Variants in CHD2 observed in about 807,000 individuals in gnomAD.
CHD2 encodes chromodomain helicase DNA binding protein 2.
Under a neutral mutation model 243.9 loss-of-function variants are expected in CHD2, and 28 were observed. The observed-to-expected ratio is 0.11, with a 90% confidence interval of 0.09 to 0.16. The LOEUF is 0.16. CHD2 is among the 10% of genes least tolerant of loss of function. The pLI, the probability that CHD2 is intolerant of heterozygous loss-of-function variation, is 1.00. For synonymous variants in CHD2, 775 were observed against 779.0 expected, an observed-to-expected ratio of 0.99 and a Z score of 0.09; for missense variants, 1,386 against 2,209.8, an observed-to-expected ratio of 0.63 and a Z score of 7.47.
chr15:92,941,772 TAATTCTGAAGAGATC>T, intron 7 of CHD2, 35 bp from the exon 8 acceptor site: 2 of 1,583,510 alleles, frequency 1.3e-6, no homozygotes, highest in Non-Finnish European at 1.7e-6. Flanking sequence ...TGTGGCAGTT[TAATTCTGAAGAGATC>T]ATTTCTCATT....
chr15:92,974,625 A>G (rs1024783765), intron 19 of CHD2: 18 of 373,088 alleles, frequency 4.8e-5, no homozygotes, highest in Admixed American at 8.7e-5. Flanking sequence ...CCTGGCAGCC[A>G]TTCTGATCCT....
intron 27 of CHD2, 36 bp downstream of exon 27, chr15:92,991,553 T>C: frequency 6.5e-7 from 1 of 1,531,904 alleles, no homozygotes; most frequent in Non-Finnish European, 8.9e-7. Context: ...TCTTCCTCTT[T>C]TTTGCTTTTA....
chr15:92,969,838 G>T (rs1342440549), intron 17 of CHD2, among the ~76,000 whole-genome samples: 1 of 145,730 alleles, frequency 6.9e-6, no homozygotes, highest in Non-Finnish European at 1.5e-5. Flanking sequence ...TTGAGACGGA[G>T]TCTCACTCTG....
chr15:92,913,234 T>C (rs911503043), intron 2 of CHD2, among the ~76,000 whole-genome samples: 1 of 152,188 alleles, frequency 6.6e-6, no homozygotes, highest in Non-Finnish European at 1.5e-5. Flanking sequence ...TTTCGATCTT[T>C]TCTGTTCTGT....
intron 16 of CHD2, among the ~76,000 whole-genome samples, chr15:92,964,484 A>G (rs1409177477): frequency 6.6e-6 from 1 of 152,232 alleles, no homozygotes; most frequent in Non-Finnish European, 1.5e-5. Flanking sequence ...ACTGAAGAAA[A>G]ACTATTGTAA....
intron 34 of CHD2, among the ~76,000 whole-genome samples, chr15:93,008,268 T>C (rs2054347371): frequency 6.6e-6 from 1 of 152,174 alleles, no homozygotes; most frequent in African/African-American, 2.4e-5. Flanking sequence ...CTGTTTTCAG[T>C]GTGGTGGGCT....
At chr15:93,019,267 T>G (rs2054500703) in intron 37 of CHD2, among the ~76,000 whole-genome samples, 1 of 152,178 alleles carries the variant, frequency 6.6e-6, no homozygotes, top group South Asian at 2.1e-4. Context: ...ACGTTAGATG[T>G]GTAACCGGAG....
intron 24 of CHD2, 80 bp downstream of exon 24, chr15:92,981,537 C>A: frequency 9.3e-7 from 1 of 1,078,878 alleles, no homozygotes; most frequent in Non-Finnish European, 1.4e-6. Context: ...TTTCTTTGTG[C>A]TAGGCGCTCT....
At chr15:92,953,258 C>T in intron 13 of CHD2, 99 bp from the exon 14 acceptor site, 1 of 874,818 alleles carries the variant, frequency 1.1e-6, no homozygotes, top group Non-Finnish European at 1.8e-6. Context: ...CCTTGCTTGG[C>T]TGTTATTGTG....
rs2053473557 is a variant in CHD2, at chr15:92,946,655, T to G, written c.1377+439T>G. On this transcript the variant is annotated intron_variant, in intron 12 of 38. Coordinates refer to ENST00000394196, the MANE Select transcript of CHD2 (RefSeq NM_001271.4). ...GCACGCACCACCACTTCCAGCTAAT[T>G]TTTTGTATTTTTAGCAGAGATGGGG... 2.0e-5 allele frequency: 3 copies of G among 152,528 alleles called. No homozygotes were observed. The South Asian group carries it at 6.2e-4, about 31-fold the overall frequency. The allele number at this position is 152,528 out of a possible 1,614,324, so 9.4% of individuals were successfully genotyped here.
At chr15:92,993,799 A>T (rs371404950) in intron 28 of CHD2, among the ~76,000 whole-genome samples, 1 of 152,026 alleles carries the variant, frequency 6.6e-6, no homozygotes, top group Non-Finnish European at 1.5e-5. Flanking sequence ...TTTAAAAATT[A>T]GCCGAAAGTA....
intron 15 of CHD2, 78 bp from the exon 16 acceptor site, chr15:92,956,381 C>A: frequency 1.0e-6 from 1 of 984,818 alleles, no homozygotes; most frequent in Non-Finnish European, 1.6e-6. Flanking sequence ...GGTATTTATA[C>A]AGAGATAATT....
chr15:92,985,701 C>A lies in CHD2; in HGVS notation c.3413+28C>A, dbSNP rs1468301446. 4 of 1,592,890 alleles carry A rather than the reference C, an allele frequency of 2.5e-6. No individual in the cohort carries two copies. The African/African-American group carries it at 4.0e-5, about 16-fold the overall frequency. ...TGGTGGAGGCTCTGTTCTCACTGAG[C>A]TTGTTTGAAAGTGCGTACTGTAAGT... On this transcript the variant is annotated intron_variant, in intron 26 of 38. Coordinates refer to ENST00000394196, the MANE Select transcript of CHD2 (RefSeq NM_001271.4).
intron 7 of CHD2, among the ~76,000 whole-genome samples, chr15:92,940,893 A>AT (rs766244370): frequency 9.1e-5 from 8 of 88,396 alleles, no homozygotes; most frequent in East Asian, 5.8e-4. Context: ...TATATATAAA[A>AT]ATATATATAA....
intron 26 of CHD2, 148 bp downstream of exon 26, chr15:92,985,821 T>C: frequency 3.0e-6 from 2 of 659,824 alleles, no homozygotes; most frequent in Non-Finnish European, 4.7e-6. Context: ...CCCAGATCTG[T>C]AGGATGATCC....
intron 2 of CHD2, among the ~76,000 whole-genome samples, chr15:92,915,929 C>T (rs1472376066): frequency 7.9e-5 from 12 of 152,172 alleles, no homozygotes; most frequent in African/African-American, 2.4e-5. Flanking sequence ...CCTCTGTTCA[C>T]CTAAGACAAA....
intron 21 of CHD2, 25 bp downstream of exon 21, chr15:92,978,408 A>G (rs1596428060): frequency 1.9e-6 from 3 of 1,607,640 alleles, no homozygotes; most frequent in Middle Eastern, 1.7e-4. Flanking sequence ...GCTTCTGGAA[A>G]TTGCTTTAGG....
intron 37 of CHD2, among the ~76,000 whole-genome samples, chr15:93,017,327 C>CT (rs11416582): frequency 0.68 from 101,163 of 148,044 alleles, 35,517 homozygotes; most frequent in East Asian, 0.94. Context: ...TTAAACACTT[C>CT]TTTCTTTTTT....
chr15:92,989,875 T>C (rs1436114957), intron 26 of CHD2, among the ~76,000 whole-genome samples: 7 of 152,196 alleles, frequency 4.6e-5, no homozygotes, highest in African/African-American at 2.4e-5. Flanking sequence ...CCCAGGAGCG[T>C]GCGGAAGGAC....
Sources: allele counts gnomAD v4.1 joint callset (sites outside exome capture counted in the v4.1 genomes callset), GRCh38; gene constraint gnomAD v4.1.1; transcripts MANE v1.5; gene names NCBI Gene and HGNC (gene_info 2026-07-23, HGNC 2026-07-21).